The following FAN1 variants were observed in gnomAD, a reference collection of about 807,000 sequenced individuals.
FAN1 encodes the protein fanconi-associated nuclease 1.
A neutral mutation model predicts 104.9 loss-of-function variants in FAN1; 91 were observed. The observed-to-expected ratio is 0.87, with a 90% confidence interval of 0.73 to 1.03. FAN1 has a LOEUF of 1.03. FAN1 is among the 50% of genes least tolerant of loss of function. FAN1 has a pLI of 0.00. For synonymous variants in FAN1, 478 were observed against 457.6 expected, an observed-to-expected ratio of 1.04 and a Z score of -0.57; for missense variants, 1,263 against 1,239.9, an observed-to-expected ratio of 1.02 and a Z score of -0.28.
intron 5 of FAN1, among the ~76,000 whole-genome samples, chr15:30,917,451 G>T (rs9806159): frequency 0.19 from 28,921 of 151,958 alleles, 2,988 homozygotes; most frequent in African/African-American, 0.28. Flanking sequence ...GAATTTGTGA[G>T]CAAACTTTTA....
chr15:30,929,064 C>A, intron 11 of FAN1, 139 bp from the exon 12 acceptor site: 1 of 811,096 alleles, frequency 1.2e-6, no homozygotes, highest in Non-Finnish European at 1.9e-6. Flanking sequence ...GCTTTTATAT[C>A]AATTAACTTT....
At chr15:30,927,637 G>GC in intron 10 of FAN1, 1 of 985,598 alleles carries the variant, frequency 1.0e-6, no homozygotes, top group Non-Finnish European at 1.2e-6. Context: ...AGCCAGAGGA[G>GC]CTTTGCTGCC....
Position 30,927,563 on chromosome 15 carries a change from C to T in FAN1, c.2489-990C>T, listed in dbSNP as rs142775134. On this transcript the variant is annotated intron_variant, in intron 10 of 14. Transcript: ENST00000362065. ...TTCCTGCCCTCTGCTCTCACAGCAC[C>T]CCTGATCCCACTCACTGTGGTACCA... The T allele has an allele frequency of 5.5e-4, 545 of 985,648 alleles. 2 individuals are homozygous for T. The African/African-American group carries it at 8.7e-3, about 16-fold the overall frequency. 61.1% of individuals were successfully genotyped at this position (985,648 alleles called of 1,614,324 possible).
In FAN1 at chr15:30,928,749, A is replaced by T; in HGVS notation, c.2592+93A>T. ...CACCGTGTGTCCACAGCCAGCAGAA[A>T]CCATCTCTGTTACGGTCCTTTGGGT... On this transcript the variant is annotated intron_variant, in intron 11 of 14. Coordinates refer to ENST00000362065, the MANE Select transcript of FAN1 (RefSeq NM_014967.5). The T allele has an allele frequency of 2.5e-6, 4 of 1,587,102 alleles. No homozygotes were observed. The South Asian group carries it at 4.6e-5, about 18-fold the overall frequency.
intron 10 of FAN1, among the ~76,000 whole-genome samples, chr15:30,926,170 T>C (rs894413425): frequency 3.3e-5 from 5 of 152,220 alleles, no homozygotes. Flanking sequence ...TATAAAAACT[T>C]ATAAAAGTTA....
In FAN1 at chr15:30,941,688, C is replaced by T. The variant is rs2063059733; in HGVS notation, c.*126C>T. The T allele has an allele frequency of 2.5e-6, 4 of 1,613,752 alleles. No homozygotes were observed. The highest frequency in any genetic ancestry group is 3.4e-6 in the Non-Finnish European group (4 of 1,179,794). ...CTCTGGCCCAGCTCCCCATAGCAGG[C>T]CTCCAGGGGGCCACTGCGCTGTTGC... On this transcript the variant is annotated 3_prime_UTR_variant, in exon 15 of 15. Transcript: ENST00000362065.
At chr15:30,939,448 C>A in intron 14 of FAN1, 1 of 985,374 alleles carries the variant, frequency 1.0e-6, no homozygotes, top group Non-Finnish European at 1.2e-6. Context: ...TCACCCTGGC[C>A]CGACTGAAGG....
At chr15:30,919,814 G>A (rs1271551807) in intron 6 of FAN1, among the ~76,000 whole-genome samples, 1 of 152,086 alleles carries the variant, frequency 6.6e-6, no homozygotes, top group Non-Finnish European at 1.5e-5. Flanking sequence ...GGCTGAGGAC[G>A]AGGAGAGAGA....
At chr15:30,928,261 A>C in intron 10 of FAN1, 3 of 1,177,454 alleles carry the variant, frequency 2.5e-6, no homozygotes, top group Non-Finnish European at 3.1e-6. Context: ...CATGTTTCTT[A>C]GGTTATTCAC....
chr15:30,905,686 G>A lies in FAN1; in HGVS notation c.1023G>A (p.Leu341=). ...SAWSNIQEAP[L]QDDSCLNNDI... is the part of the protein sequence containing the mutation. The stretch of plus-strand genomic sequence containing the variant: ...GGAGTAACATCCAAGAGGCTCCTCT[G>A]CAGGATGACAGTTGCTTAAACAATG... The change falls in exon 2 of 15, where the codon CTG becomes CTA. Residue 341 remains leucine (L), a synonymous_variant. Transcript: ENST00000362065. The A allele has an allele frequency of 6.2e-7, 1 of 1,614,160 alleles. No homozygotes were observed. The highest frequency in any genetic ancestry group is 8.5e-7 in the Non-Finnish European group (1 of 1,180,002).
chr15:30,928,314 T>C, intron 10 of FAN1: 1 of 1,294,256 alleles, frequency 7.7e-7, no homozygotes, highest in Non-Finnish European at 9.8e-7. Context: ...AAATGTTCAT[T>C]TGAATTTTTC....
chr15:30,930,499 C>T lies in FAN1; in HGVS notation c.2788-44C>T, dbSNP rs79755605. 1,244 of 1,555,150 alleles carry T rather than the reference C, an allele frequency of 8.0e-4. 1 individual carries two copies. The African/African-American group carries it at 0.012, about 15-fold the overall frequency. On this transcript the variant is annotated intron_variant, in intron 12 of 14. Transcript: ENST00000362065. The stretch of plus-strand genomic sequence containing the variant: ...GATCCCTGGAGCCTATTTCCATTCT[C>T]TGTCACGAGGGAAGTGGCTAACTGT...
intron 4 of FAN1, among the ~76,000 whole-genome samples, chr15:30,913,244 G>A (rs1466730037): frequency 6.6e-6 from 1 of 151,896 alleles, no homozygotes; most frequent in East Asian, 1.9e-4. Context: ...TCTAGGTTGC[G>A]TATTCCTTAT....
At chr15:30,925,336 CT>C in intron 9 of FAN1, 45 bp downstream of exon 9, 1 of 1,570,430 alleles carries the variant, frequency 6.4e-7, no homozygotes, top group Non-Finnish European at 8.7e-7. Flanking sequence ...GCGCGTGTAC[CT>C]GGTTTTTTTG....
rs778218138 is a variant in FAN1, at chr15:30,905,204, C to A, written c.541C>A (p.Pro181Thr). ...GGATGAAGAATTTGCCGGTTCTAGTCCACAGAGTTCCAAATCCACAGTTGT... is the reference window on the plus strand; with the variant it reads ...GGATGAAGAATTTGCCGGTTCTAGTACACAGAGTTCCAAATCCACAGTTGT... Reference protein sequence around the residue: ...DKDEEFAGSSPQSSKSTVVKS... With the variant: ...DKDEEFAGSSTQSSKSTVVKS... The change falls in exon 2 of 15, where the codon CCA becomes ACA. Residue 181 changes from proline (P) to threonine (T), a missense_variant. Pro to Thr is a conservative substitution (Grantham distance 38, BLOSUM62 -1). Around this residue, in one of 2 missense-constraint regions of FAN1, gnomAD observed 682 missense variants for 571.1 expected, o/e 1.19. Coordinates refer to ENST00000362065, the MANE Select transcript of FAN1 (RefSeq NM_014967.5). 19 of 1,613,580 alleles carry A rather than the reference C, an allele frequency of 1.2e-5. No individual in the cohort carries two copies. The African/African-American group carries it at 2.4e-4, about 20-fold the overall frequency.
In FAN1 at chr15:30,928,355, T is replaced by C. The variant is rs2062518054; in HGVS notation, c.2489-198T>C. 34 of 1,339,502 alleles carry C rather than the reference T, an allele frequency of 2.5e-5. No homozygotes were observed. In the South Asian group the frequency reaches 6.7e-4, roughly 26 times the overall value. 83.0% of individuals were successfully genotyped at this position (1,339,502 alleles called of 1,614,324 possible). A position where few individuals can be genotyped will look rare whatever the true frequency, so the allele number is the denominator to read the frequency against. On this transcript the variant is annotated intron_variant, in intron 10 of 14. Transcript: ENST00000362065. Reference sequence around the variant, plus strand: ...TTACTAAGATTTTTGCCCTTAAGGCTCTGTATATAAACAACATACTGTATA... The same window carrying C: ...TTACTAAGATTTTTGCCCTTAAGGCCCTGTATATAAACAACATACTGTATA...
chr15:30,914,340 C>T (rs1296290887), intron 5 of FAN1, among the ~76,000 whole-genome samples: 4 of 151,984 alleles, frequency 2.6e-5, no homozygotes, highest in Admixed American at 6.6e-5. Context: ...GTTTATGTTT[C>T]CAAGTACCTT....
In FAN1 at chr15:30,905,092, A is replaced by C; in HGVS notation, c.429A>C (p.Arg143Ser). The C allele has an allele frequency of 6.2e-7, 1 of 1,614,112 alleles. No homozygotes were observed. The highest frequency in any genetic ancestry group is 1.1e-5 in the South Asian group (1 of 91,084). The change falls in exon 2 of 15, where the codon AGA (arginine) becomes AGC (serine). Residue 143 changes from arginine (R) to serine (S), a missense_variant. Arg to Ser is a moderately radical substitution (Grantham distance 110). Transcript: ENST00000362065. ...TGTGCAAAAATCAAGATGAGCTGAG[A>C]AATCGTAGTGTGAAAGTCATTTGTT... is the stretch of plus-strand genomic sequence containing the variant. ...DVVCKNQDEL[R>S]NRSVKVICLG...
chr15:30,942,139 CAA>C lies in FAN1; in HGVS notation c.*579_*580del. 8 of 1,493,284 alleles carry C rather than the reference CAA, an allele frequency of 5.4e-6. No homozygotes were observed. The South Asian group carries it at 9.1e-5, about 17-fold the overall frequency. The allele number at this position is 1,493,284 out of a possible 1,614,324, so 92.5% of individuals were successfully genotyped here. On this transcript the variant is annotated 3_prime_UTR_variant, in exon 15 of 15. Transcript: ENST00000362065. ...TTAGAAAGATTGAAGGATGCAATGG[CAA>C]ATATAAACTCAATACTATGAAAAAT...
Sources: gnomAD v4.1 joint callset for allele counts (sites outside exome capture counted in the v4.1 genomes callset) on GRCh38, gnomAD v4.1.1 for gene constraint, gnomAD v4.1.1 regional missense constraint, MANE v1.5 for transcripts, NCBI Gene and HGNC (gene_info 2026-07-23, HGNC 2026-07-21) for gene names.